CEP128: variants seen among roughly 807,000 people sequenced by gnomAD.
CEP128 encodes centrosomal protein 128.
Under a neutral mutation model 156.7 loss-of-function variants are expected in CEP128, and 132 were observed. That is an observed-to-expected ratio of 0.84 (90% CI 0.73 to 0.97). CEP128 has a LOEUF of 0.97. Ranked by LOEUF, CEP128 falls within the 50% of genes least tolerant of loss-of-function variation. The pLI is 0.00. For missense variants in CEP128, 1,252 were observed against 1,281.9 expected (o/e 0.98, Z 0.36); for synonymous variants, 469 against 448.9 (o/e 1.04, Z -0.57).
chr14:80,812,607 T>C (rs1884622835), intron 13 of CEP128, among the ~76,000 whole-genome samples: 1 of 149,474 alleles, frequency 6.7e-6, no homozygotes, highest in Non-Finnish European at 1.5e-5. Context: ...CTCGCTCTGT[T>C]GCCCAGGCTG....
At chr14:80,507,588 C>T (rs1888038513) in intron 23 of CEP128, among the ~76,000 whole-genome samples, 1 of 152,072 alleles carries the variant, frequency 6.6e-6, no homozygotes, top group African/African-American at 2.4e-5. Context: ...AAGAGAAAAG[C>T]ATAATAAATG....
At chr14:80,488,859 T>G (rs991009222), downstream of CEP128, among the ~76,000 whole-genome samples, 8 of 151,768 alleles carry the variant, frequency 5.3e-5, no homozygotes, top group African/African-American at 1.9e-4. Context: ...CTGGAAACCA[T>G]CATTCTCAGC....
intron 19 of CEP128, among the ~76,000 whole-genome samples, chr14:80,696,733 G>T (rs1444459091): frequency 6.6e-6 from 1 of 152,140 alleles, no homozygotes. Context: ...TGACACGTCA[G>T]ATTTCAGTAG....
chr14:80,701,278 G>A (rs908551355), intron 19 of CEP128, among the ~76,000 whole-genome samples: 7 of 152,196 alleles, frequency 4.6e-5, no homozygotes, highest in African/African-American at 1.2e-4. Context: ...GGCACCTACC[G>A]GAGAGGCTGC....
At position 80,679,244 on chromosome 14, in the gene CEP128, G is replaced by A. The variant is rs542956177; in HGVS notation, c.2806+63831C>T. ...AATAACAGCGATTTTAGGGAACAAG[G>A]GAAGACAACCATAAGGTCTGACTGC... On this transcript the variant is annotated intron_variant, in intron 19 of 24. Coordinates refer to ENST00000555265, the MANE Select transcript of CEP128 (RefSeq NM_152446.5). Among the ~76,000 whole-genome samples, 5 of 152,242 alleles carry A rather than the reference G, an allele frequency of 3.3e-5. No homozygotes were observed. In the East Asian group the frequency reaches 9.7e-4, roughly 29 times the overall value.
intron 19 of CEP128, among the ~76,000 whole-genome samples, chr14:80,675,343 A>G (rs1896016294): frequency 6.6e-6 from 1 of 152,094 alleles, no homozygotes; most frequent in Admixed American, 6.5e-5. Context: ...TGGAACATAC[A>G]GTATGTGAGT....
chr14:80,693,716 G>A (rs1158117833), intron 19 of CEP128, among the ~76,000 whole-genome samples: 5 of 152,108 alleles, frequency 3.3e-5, no homozygotes, highest in African/African-American at 4.8e-5. Context: ...GTGTTTAAGT[G>A]TATCTATAAG....
intron 14 of CEP128, among the ~76,000 whole-genome samples, chr14:80,790,247 C>A (rs925925465): frequency 1.6e-4 from 25 of 151,602 alleles, no homozygotes; most frequent in Non-Finnish European, 2.9e-4. Context: ...ACAACAACAA[C>A]AAAAATCCCA....
upstream of CEP128, among the ~76,000 whole-genome samples, chr14:80,944,160 A>G (rs1473658289): frequency 6.6e-6 from 1 of 152,216 alleles, no homozygotes; most frequent in African/African-American, 2.4e-5. Context: ...CTTTTAATCA[A>G]TATGGCCAAC....
At chr14:80,955,761 A>G in intron 2 of CEP128, 1 of 1,614,070 alleles carries the variant, frequency 6.2e-7, no homozygotes, top group Non-Finnish European at 8.5e-7. Context: ...GTTCGTCTCC[A>G]CCCTGCGAGT....
chr14:80,506,799 T>A (rs76969888), intron 23 of CEP128, among the ~76,000 whole-genome samples: 4,086 of 152,284 alleles, frequency 0.027, 79 homozygotes, highest in Middle Eastern at 0.092. Flanking sequence ...ACGAACATAA[T>A]CCTCAGGTGG....
intron 6 of CEP128, 36 bp downstream of exon 6, chr14:80,904,775 GAA>G: frequency 9.1e-7 from 1 of 1,094,892 alleles, no homozygotes. Flanking sequence ...GAAGCATAAG[GAA>G]ATACTGCACA....
intron 24 of CEP128, among the ~76,000 whole-genome samples, chr14:80,502,209 C>T (rs1443720296): frequency 6.6e-6 from 1 of 152,164 alleles, no homozygotes; most frequent in Non-Finnish European, 1.5e-5. Context: ...GAATTCTTCC[C>T]TGGGTGAAGC....
chr14:80,868,250 T>C (rs921669697), intron 8 of CEP128, among the ~76,000 whole-genome samples: 3 of 152,214 alleles, frequency 2.0e-5, no homozygotes, highest in Non-Finnish European at 4.4e-5. Context: ...CTAATACTTA[T>C]AATGGTAGTG....
intron 19 of CEP128, among the ~76,000 whole-genome samples, chr14:80,641,512 T>C (rs1415094856): frequency 6.6e-6 from 1 of 152,206 alleles, no homozygotes; most frequent in East Asian, 1.9e-4. Context: ...GTGCAGAACC[T>C]GTCTTTGCGC....
chr14:80,890,108 A>G (rs1438687501), intron 8 of CEP128, among the ~76,000 whole-genome samples: 1 of 152,194 alleles, frequency 6.6e-6, no homozygotes, highest in African/African-American at 2.4e-5. Context: ...AATGGTGATC[A>G]TTAAAAGGTC....
At chr14:80,924,857 C>T (rs1398050608) in intron 2 of CEP128, among the ~76,000 whole-genome samples, 1 of 151,802 alleles carries the variant, frequency 6.6e-6, no homozygotes, top group Non-Finnish European at 1.5e-5. Flanking sequence ...AGCACATCAA[C>T]AGTAGAACAG....
rs1206814043 is a variant in CEP128, at chr14:80,719,355, A to T, written c.2806+23720T>A. Among the ~76,000 whole-genome samples the T allele has an allele frequency of 2.0e-5, 3 of 152,236 alleles. No homozygotes were observed. The East Asian group carries it at 5.8e-4, about 29-fold the overall frequency. On this transcript the variant is annotated intron_variant, in intron 19 of 24. Transcript: ENST00000555265. Reference sequence around the variant, plus strand: ...GTACCCCAAGCAGTACCATTTAATAAAAGACTGCTAACACCTCCAGCTCAG... The same window carrying T: ...GTACCCCAAGCAGTACCATTTAATATAAGACTGCTAACACCTCCAGCTCAG...
At chr14:80,810,435 T>G (rs557652899) in intron 13 of CEP128, among the ~76,000 whole-genome samples, 2 of 151,692 alleles carry the variant, frequency 1.3e-5, no homozygotes, top group East Asian at 1.9e-4. Flanking sequence ...GTAATTAAAT[T>G]AAATTCTCAT....
Sources: allele counts gnomAD v4.1 joint callset (sites outside exome capture counted in the v4.1 genomes callset), GRCh38; gene constraint gnomAD v4.1.1; transcripts MANE v1.5; gene names NCBI Gene and HGNC (gene_info 2026-07-23, HGNC 2026-07-21).